Variants in HSD17B11 observed in about 807,000 individuals in gnomAD.
The protein encoded by HSD17B11 is estradiol 17-beta-dehydrogenase 11.
A neutral mutation model predicts 27.8 loss-of-function variants in HSD17B11; 22 were observed. The ratio of observed to expected loss-of-function variants is 0.79; its 90% CI spans 0.56 to 1.13. The LOEUF (loss-of-function observed/expected upper bound fraction) is 1.13. Ranked by LOEUF, HSD17B11 falls within the 50% of genes most tolerant of loss-of-function variation. The pLI, the probability that HSD17B11 is intolerant of heterozygous loss-of-function variation, is 0.00. For synonymous variants in HSD17B11, 117 were observed against 132.8 expected, an observed-to-expected ratio of 0.88 and a Z score of 0.82; for missense variants, 314 against 351.1, an observed-to-expected ratio of 0.89 and a Z score of 0.84.
chr4:87,355,797 G>A (rs1328464290), intron 5 of HSD17B11, among the ~76,000 whole-genome samples: 2 of 151,996 alleles, frequency 1.3e-5, no homozygotes, highest in Non-Finnish European at 2.9e-5. Flanking sequence ...TCAGATACTC[G>A]GGAGGCTGAG....
At chr4:87,356,203 T>C (rs1735383976) in intron 5 of HSD17B11, among the ~76,000 whole-genome samples, 1 of 152,116 alleles carries the variant, frequency 6.6e-6, no homozygotes, top group Non-Finnish European at 1.5e-5. Context: ...GGAGAGGAGT[T>C]TGGCAATATG....
intron 1 of HSD17B11, among the ~76,000 whole-genome samples, chr4:87,386,465 AG>A (rs1243557040): frequency 6.6e-6 from 1 of 152,056 alleles, no homozygotes; most frequent in Non-Finnish European, 1.5e-5. Context: ...GGCCTCCCAA[AG>A]TGCTGGGATT....
intron 4 of HSD17B11, among the ~76,000 whole-genome samples, chr4:87,358,406 T>C (rs1444556639): frequency 6.6e-6 from 1 of 152,218 alleles, no homozygotes; most frequent in Non-Finnish European, 1.5e-5. Flanking sequence ...TGAATCACAA[T>C]GCAAAGCGTT....
intron 1 of HSD17B11, among the ~76,000 whole-genome samples, chr4:87,385,059 C>T (rs776245708): frequency 2.0e-5 from 3 of 152,092 alleles, no homozygotes; most frequent in Non-Finnish European, 4.4e-5. Flanking sequence ...CAGGTTCCCA[C>T]AATATTTTTC....
chr4:87,389,380 G>A (rs920978340), intron 1 of HSD17B11, among the ~76,000 whole-genome samples: 2 of 151,954 alleles, frequency 1.3e-5, no homozygotes, highest in African/African-American at 2.4e-5. Context: ...ACGCCACCAC[G>A]CTCAACTAAT....
At position 87,391,051 on chromosome 4, in the gene HSD17B11, A is replaced by T; in HGVS notation, c.20T>A (p.Ile7Asn). MKFLLD[I>N]LLLLPLLIVC... ...GATCAGTAACGGGAGAAGCAGGAGG[A>T]TGTCCAGAAGAAATTTCATCCCTTT... The change falls in exon 1 of 7, where the codon ATC becomes AAC. Residue 7 changes from isoleucine to asparagine, a missense_variant. Physicochemically the swap from Ile to Asn is moderately radical, Grantham distance 149. Transcript: ENST00000358290. 6.2e-7 allele frequency: 1 copy of T among 1,612,692 alleles called. No individual in the cohort carries two copies. The highest frequency in any genetic ancestry group is 2.2e-5 in the East Asian group (1 of 44,846).
At chr4:87,343,882 A>C (rs1735219499) in intron 5 of HSD17B11, among the ~76,000 whole-genome samples, 1 of 151,944 alleles carries the variant, frequency 6.6e-6, no homozygotes. Flanking sequence ...TGTTTTTGTT[A>C]TTTCCTAATC....
chr4:87,345,139 A>G (rs531896505), intron 5 of HSD17B11: 1 of 152,366 alleles, frequency 6.6e-6, no homozygotes, highest in Non-Finnish European at 1.5e-5. Flanking sequence ...GGTGGCACGC[A>G]CCTGTAGTCC....
chr4:87,353,397 TA>T, intron 5 of HSD17B11, among the ~76,000 whole-genome samples: 1 of 152,358 alleles, frequency 6.6e-6, no homozygotes, highest in African/African-American at 2.4e-5. Flanking sequence ...GTCTGAAATG[TA>T]AACAGGTATT....
intron 3 of HSD17B11, 132 bp from the exon 4 acceptor site, chr4:87,372,947 C>G (rs571104289): frequency 1.6e-6 from 1 of 614,908 alleles, no homozygotes; most frequent in East Asian, 2.8e-5. Context: ...AACTAACTGA[C>G]AAATGCAGCA....
chr4:87,374,050 G>A (rs994780582), intron 3 of HSD17B11, among the ~76,000 whole-genome samples: 1 of 151,764 alleles, frequency 6.6e-6, no homozygotes, highest in Non-Finnish European at 1.5e-5. Context: ...TGAAAGCCAG[G>A]GCAGTGGCTC....
chr4:87,354,386 G>GTTCC (rs1263415811), intron 5 of HSD17B11, among the ~76,000 whole-genome samples: 1 of 152,110 alleles, frequency 6.6e-6, no homozygotes, highest in Non-Finnish European at 1.5e-5. Flanking sequence ...TTGAGAGGCT[G>GTTCC]AAGTTGGGAG....
intron 4 of HSD17B11, among the ~76,000 whole-genome samples, chr4:87,371,972 G>C (rs1026641739): frequency 6.6e-6 from 1 of 152,190 alleles, no homozygotes; most frequent in Non-Finnish European, 1.5e-5. Flanking sequence ...GCTGGGCGAG[G>C]TGGCTTACAC....
At chr4:87,343,599 G>A (rs1735213448) in intron 5 of HSD17B11, among the ~76,000 whole-genome samples, 1 of 147,768 alleles carries the variant, frequency 6.8e-6, no homozygotes, top group Non-Finnish European at 1.5e-5. Context: ...CCAGGCTGGA[G>A]TGCAGTGGCA....
intron 5 of HSD17B11, among the ~76,000 whole-genome samples, chr4:87,355,666 G>A (rs1285154084): frequency 6.6e-6 from 1 of 152,174 alleles, no homozygotes; most frequent in Admixed American, 6.5e-5. Context: ...CACTTTGGGA[G>A]GCCAAGGTGG....
At chr4:87,355,627 G>C (rs986731901) in intron 5 of HSD17B11, among the ~76,000 whole-genome samples, 1 of 152,128 alleles carries the variant, frequency 6.6e-6, no homozygotes, top group Non-Finnish European at 1.5e-5. Context: ...AGCTCAGCTG[G>C]GCATGGTGGC....
chr4:87,366,627 T>C (rs1055505461), intron 4 of HSD17B11, among the ~76,000 whole-genome samples: 3 of 152,196 alleles, frequency 2.0e-5, no homozygotes, highest in African/African-American at 7.2e-5. Flanking sequence ...ATGTAAAATT[T>C]TGTATGCCAC....
At chr4:87,341,330 C>G (rs975195924) in intron 5 of HSD17B11, among the ~76,000 whole-genome samples, 3 of 152,060 alleles carry the variant, frequency 2.0e-5, no homozygotes, top group African/African-American at 7.2e-5. Flanking sequence ...CGCCACCACT[C>G]CAGGCTATTT....
At chr4:87,383,708 T>C (rs1399302775) in intron 1 of HSD17B11, among the ~76,000 whole-genome samples, 2 of 151,688 alleles carry the variant, frequency 1.3e-5, no homozygotes, top group African/African-American at 4.9e-5. Context: ...TTTGTTGTTG[T>C]TGTTATCTTT....
Sources: gnomAD v4.1 joint callset for allele counts (sites outside exome capture counted in the v4.1 genomes callset) on GRCh38, gnomAD v4.1.1 for gene constraint, MANE v1.5 for transcripts, NCBI Gene and HGNC (gene_info 2026-07-23, HGNC 2026-07-21) for gene names.